The following LSAMP variants were observed in gnomAD, a reference collection of about 807,000 sequenced individuals.
The protein encoded by LSAMP is limbic system associated membrane protein.
In LSAMP, 7 loss-of-function variants were observed where a neutral mutation model predicts 38.6. The ratio of observed to expected loss-of-function variants is 0.18; its 90% CI spans 0.10 to 0.34. The LOEUF is 0.34. Among genes scored for constraint, LSAMP ranks in the 10% least tolerant of loss-of-function variants. The pLI is 1.00. For synonymous variants in LSAMP, 154 were observed against 166.8 expected (o/e 0.92, Z 0.59); for missense variants, 313 against 420.0 (o/e 0.75, Z 2.23).
intron 3 of LSAMP, among the ~76,000 whole-genome samples, chr3:115,976,528 T>C (rs1939193049): frequency 6.6e-6 from 1 of 152,108 alleles, no homozygotes; most frequent in South Asian, 2.1e-4. Context: ...AGAAGCAATT[T>C]TAAAAAGATG....
At chr3:116,236,443 A>G (rs972514337) in intron 1 of LSAMP, among the ~76,000 whole-genome samples, 3 of 152,246 alleles carry the variant, frequency 2.0e-5, no homozygotes, top group East Asian at 3.9e-4. Flanking sequence ...GAAACAATGA[A>G]GAAAATTATT....
chr3:116,002,881 G>C (rs1175636087), intron 3 of LSAMP, among the ~76,000 whole-genome samples: 2 of 152,136 alleles, frequency 1.3e-5, no homozygotes, highest in African/African-American at 4.8e-5. Flanking sequence ...CATCTATTAT[G>C]AGCAATGTTT....
At chr3:116,123,695 A>G (rs1708939532) in intron 1 of LSAMP, among the ~76,000 whole-genome samples, 1 of 152,176 alleles carries the variant, frequency 6.6e-6, no homozygotes, top group African/African-American at 2.4e-5. Flanking sequence ...TAAATCTTAA[A>G]TTTAAGAAGT....
chr3:116,232,678 T>C (rs2046414773), intron 1 of LSAMP, among the ~76,000 whole-genome samples: 1 of 134,722 alleles, frequency 7.4e-6, no homozygotes, highest in East Asian at 2.2e-4. Flanking sequence ...TTTCTTTTAA[T>C]TTTCTTTTCT....
intron 2 of LSAMP, among the ~76,000 whole-genome samples, chr3:116,081,332 T>G (rs975323645): frequency 1.3e-5 from 2 of 152,006 alleles, no homozygotes; most frequent in African/African-American, 2.4e-5. Flanking sequence ...CACGCGCCTG[T>G]AGTCCCAGCT....
intron 3 of LSAMP, among the ~76,000 whole-genome samples, chr3:116,016,887 T>C (rs1334908007): frequency 6.6e-6 from 1 of 152,292 alleles, no homozygotes; most frequent in South Asian, 2.1e-4. Context: ...CAGACTAAAT[T>C]TGATACATAG....
chr3:116,154,968 T>A (rs867269958), intron 1 of LSAMP, among the ~76,000 whole-genome samples: 1 of 152,240 alleles, frequency 6.6e-6, no homozygotes, highest in Middle Eastern at 3.4e-3. Flanking sequence ...AAGTTTGTAA[T>A]CCACTGCTTC....
chr3:115,929,648 G>C (rs889196823), intron 3 of LSAMP, among the ~76,000 whole-genome samples: 1 of 151,916 alleles, frequency 6.6e-6, no homozygotes, highest in Non-Finnish European at 1.5e-5. Flanking sequence ...CTGTTGAATA[G>C]GTGGATTGTA....
intron 3 of LSAMP, among the ~76,000 whole-genome samples, chr3:115,948,871 A>C (rs1387498948): frequency 6.6e-6 from 1 of 152,184 alleles, no homozygotes; most frequent in African/African-American, 2.4e-5. Flanking sequence ...GGTGGCTTAC[A>C]CCTGTAATCC....
intron 1 of LSAMP, among the ~76,000 whole-genome samples, chr3:116,339,448 C>T (rs532705742): frequency 2.6e-5 from 4 of 151,828 alleles, no homozygotes; most frequent in African/African-American, 9.6e-5. Context: ...ACTGAATGAC[C>T]GTCACAGCCA....
intron 1 of LSAMP, among the ~76,000 whole-genome samples, chr3:116,260,873 GC>G (rs1413034507): frequency 6.6e-6 from 1 of 152,164 alleles, no homozygotes; most frequent in Non-Finnish European, 1.5e-5. Flanking sequence ...TCAGCTAAGT[GC>G]TTTTCCTTGA....
At chr3:116,317,147 C>A (rs2047639961) in intron 1 of LSAMP, among the ~76,000 whole-genome samples, 1 of 152,112 alleles carries the variant, frequency 6.6e-6, no homozygotes, top group African/African-American at 2.4e-5. Flanking sequence ...GTAACCCACT[C>A]GAGTCCCCTT....
chr3:116,440,142 A>G (rs1273616578), intron 1 of LSAMP, among the ~76,000 whole-genome samples: 1 of 152,246 alleles, frequency 6.6e-6, no homozygotes, highest in Non-Finnish European at 1.5e-5. Flanking sequence ...CGTACAAACT[A>G]AGAGGTAGGA....
chr3:116,075,909 C>T (rs1416770664), intron 2 of LSAMP, among the ~76,000 whole-genome samples: 2 of 152,094 alleles, frequency 1.3e-5, no homozygotes, highest in East Asian at 3.8e-4. Context: ...CTTTCATTTA[C>T]TTTTATGCTA....
intron 2 of LSAMP, among the ~76,000 whole-genome samples, chr3:116,083,886 G>A (rs770655961): frequency 1.3e-5 from 2 of 152,178 alleles, no homozygotes; most frequent in Non-Finnish European, 2.9e-5. Context: ...TCAGCCATCT[G>A]GTGCTTGAGA....
intron 1 of LSAMP, among the ~76,000 whole-genome samples, chr3:116,436,025 C>A (rs2049345414): frequency 6.6e-6 from 1 of 152,150 alleles, no homozygotes; most frequent in Admixed American, 6.5e-5. Flanking sequence ...TTGTGAGGAA[C>A]AAGTGATCCT....
chr3:116,240,709 AGTT>A (rs993099655), intron 1 of LSAMP, among the ~76,000 whole-genome samples: 6 of 152,190 alleles, frequency 3.9e-5, no homozygotes, highest in African/African-American at 1.4e-4. Flanking sequence ...GTGGAACCCA[AGTT>A]GTTGTAAGAA....
intron 1 of LSAMP, among the ~76,000 whole-genome samples, chr3:116,408,446 C>T (rs930441935): frequency 1.1e-4 from 16 of 152,032 alleles, no homozygotes; most frequent in African/African-American, 3.9e-4. Flanking sequence ...CATTCTTATA[C>T]TTTTGGCATT....
intron 1 of LSAMP, among the ~76,000 whole-genome samples, chr3:116,341,292 T>C (rs945775868): frequency 2.0e-5 from 3 of 151,994 alleles, no homozygotes; most frequent in African/African-American, 7.2e-5. Context: ...TTTTTGTTGT[T>C]GTTGGTGGTG....
Sources: gnomAD v4.1 joint callset for allele counts (sites outside exome capture counted in the v4.1 genomes callset) on GRCh38, gnomAD v4.1.1 for gene constraint, MANE v1.5 for transcripts, NCBI Gene and HGNC (gene_info 2026-07-23, HGNC 2026-07-21) for gene names.